CNTN5: variants seen among roughly 807,000 people sequenced by gnomAD.
The protein encoded by CNTN5 is contactin 5.
CNTN5 carries 77 observed loss-of-function variants against 129.1 expected under a neutral mutation model. That is an observed-to-expected ratio of 0.60 (90% CI 0.50 to 0.72). The LOEUF (loss-of-function observed/expected upper bound fraction) is 0.72, where lower values mean the gene tolerates loss of function less well. Ranked by LOEUF, CNTN5 falls within the 30% of genes least tolerant of loss-of-function variation. CNTN5 has a pLI of 0.00. For synonymous variants in CNTN5, 509 were observed against 465.6 expected, an observed-to-expected ratio of 1.09 and a Z score of -1.20; for missense variants, 1,478 against 1,328.8, an observed-to-expected ratio of 1.11 and a Z score of -1.75.
At chr11:99,045,904 T>C (rs1258150834) in intron 1 of CNTN5, among the ~76,000 whole-genome samples, 1 of 151,960 alleles carries the variant, frequency 6.6e-6, no homozygotes, top group African/African-American at 2.4e-5. Flanking sequence ...CAAGGTAGAG[T>C]CTTGAGTAGC....
chr11:99,831,575 T>A (rs1240517804), intron 4 of CNTN5, among the ~76,000 whole-genome samples: 3 of 152,206 alleles, frequency 2.0e-5, no homozygotes, highest in Admixed American at 1.3e-4. Context: ...CAGAAAGCTA[T>A]AGCGGATCCA....
chr11:99,867,575 T>C (rs919735552), intron 6 of CNTN5, among the ~76,000 whole-genome samples: 6 of 152,154 alleles, frequency 3.9e-5, no homozygotes, highest in African/African-American at 1.4e-4. Context: ...TCTGATCTTT[T>C]TCTTCCATCT....
intron 7 of CNTN5, among the ~76,000 whole-genome samples, chr11:99,931,621 G>C (rs1950194075): frequency 6.6e-6 from 1 of 152,168 alleles, no homozygotes; most frequent in Non-Finnish European, 1.5e-5. Flanking sequence ...AAGAAAGCAA[G>C]CAACTCACTC....
chr11:100,306,008 T>TG (rs762016171), intron 20 of CNTN5, among the ~76,000 whole-genome samples: 159 of 150,410 alleles, frequency 1.1e-3, no homozygotes, highest in Middle Eastern at 3.4e-3. Context: ...TCACAAATTT[T>TG]GGGGGGGGCA....
rs1943412174 is a variant in CNTN5, at chr11:99,432,439, C to CTTTCT, written c.-71+106955_-71+106956insTTTCT. 8.8e-5 allele frequency among the ~76,000 whole-genome samples: 10 copies of CTTTCT among 113,206 alleles called. No individual in the cohort carries two copies. In the Admixed American group the frequency reaches 1.0e-3, roughly 12 times the overall value. 74.3% of individuals were successfully genotyped at this position (113,206 alleles called of 152,430 possible). A position where few individuals can be genotyped will look rare whatever the true frequency, so the allele number is the denominator to read the frequency against. ...TCTTTCTTTTCTTTTCCTTTTCTTT[C>CTTTCT]CTTTTCTTTTCTTTTCTTTTCTTTC... On this transcript the variant is annotated intron_variant, in intron 2 of 24. Transcript: ENST00000524871.
intron 13 of CNTN5, among the ~76,000 whole-genome samples, chr11:100,101,890 T>C (rs1403323926): frequency 1.3e-5 from 2 of 152,156 alleles, no homozygotes; most frequent in Non-Finnish European, 2.9e-5. Flanking sequence ...TCCATCCATG[T>C]TGCTGCGAAA....
At chr11:100,100,410 T>C (rs1945178915) in intron 13 of CNTN5, among the ~76,000 whole-genome samples, 1 of 152,138 alleles carries the variant, frequency 6.6e-6, no homozygotes, top group Non-Finnish European at 1.5e-5. Context: ...CTCTTCACTT[T>C]TGGAAAACTT....
intron 2 of CNTN5, among the ~76,000 whole-genome samples, chr11:99,529,004 G>A (rs919075334): frequency 4.6e-5 from 7 of 152,200 alleles, no homozygotes; most frequent in Non-Finnish European, 1.0e-4. Flanking sequence ...GAACCTGGGA[G>A]GCAGAGGTTG....
intron 6 of CNTN5, among the ~76,000 whole-genome samples, chr11:99,861,025 A>G (rs1948189076): frequency 7.6e-6 from 1 of 132,214 alleles, no homozygotes; most frequent in South Asian, 2.3e-4. Context: ...GCGCAATCTC[A>G]TCTCACTGCA....
chr11:100,034,542 A>T (rs1941880500), intron 9 of CNTN5, among the ~76,000 whole-genome samples: 1 of 152,124 alleles, frequency 6.6e-6, no homozygotes, highest in Admixed American at 6.6e-5. Context: ...TTTTCAGTGC[A>T]TTATTCTTGC....
intron 2 of CNTN5, among the ~76,000 whole-genome samples, chr11:99,380,316 T>G (rs890287407): frequency 2.6e-5 from 4 of 152,138 alleles, no homozygotes; most frequent in Admixed American, 6.6e-5. Context: ...ATTTACAGTT[T>G]TATTTAACTG....
At chr11:99,546,603 T>C (rs1220698787) in intron 2 of CNTN5, among the ~76,000 whole-genome samples, 1 of 152,184 alleles carries the variant, frequency 6.6e-6, no homozygotes, top group African/African-American at 2.4e-5. Context: ...GTATATTATA[T>C]TGCAAAAAAT....
intron 21 of CNTN5, among the ~76,000 whole-genome samples, chr11:100,321,901 TG>T (rs1339986747): frequency 2.6e-4 from 39 of 152,304 alleles, no homozygotes; most frequent in African/African-American, 9.4e-4. Flanking sequence ...TTGATAATAA[TG>T]AATGATTATT....
intron 1 of CNTN5, among the ~76,000 whole-genome samples, chr11:99,100,970 T>C (rs1047489288): frequency 1.3e-5 from 2 of 152,190 alleles, no homozygotes; most frequent in Non-Finnish European, 2.9e-5. Context: ...ATTTTCACAC[T>C]GCTGATAAAG....
At chr11:99,530,110 G>T (rs766563435) in intron 2 of CNTN5, among the ~76,000 whole-genome samples, 5 of 152,020 alleles carry the variant, frequency 3.3e-5, no homozygotes, top group Non-Finnish European at 7.4e-5. Flanking sequence ...AACCAAGCAA[G>T]CATTCAATTT....
intron 8 of CNTN5, among the ~76,000 whole-genome samples, chr11:99,987,476 CAT>C (rs1265273515): frequency 1.1e-4 from 16 of 149,874 alleles, no homozygotes; most frequent in Non-Finnish European, 1.6e-4. Context: ...TTTCTTTCTC[CAT>C]ATGTGTATAT....
At chr11:99,265,756 G>A (rs1862856231) in intron 1 of CNTN5, among the ~76,000 whole-genome samples, 1 of 151,746 alleles carries the variant, frequency 6.6e-6, no homozygotes, top group African/African-American at 2.4e-5. Context: ...ATTGCTTACT[G>A]CTCCCCACCG....
intron 3 of CNTN5, among the ~76,000 whole-genome samples, chr11:99,784,216 A>T (rs574858698): frequency 1.3e-5 from 2 of 152,194 alleles, no homozygotes; most frequent in South Asian, 4.1e-4. Context: ...ACTTAGGTAT[A>T]CATGTGCCAT....
At chr11:99,774,863 T>C (rs1262210993) in intron 3 of CNTN5, among the ~76,000 whole-genome samples, 2 of 152,076 alleles carry the variant, frequency 1.3e-5, no homozygotes, top group Non-Finnish European at 2.9e-5. Context: ...TAACAAAATA[T>C]TAAAAAAAAA....
Sources: gnomAD v4.1 joint callset for allele counts (sites outside exome capture counted in the v4.1 genomes callset) on GRCh38, gnomAD v4.1.1 for gene constraint, MANE v1.5 for transcripts, NCBI Gene and HGNC (gene_info 2026-07-23, HGNC 2026-07-21) for gene names.